Variants in SCARF1 observed in about 807,000 individuals in gnomAD.
SCARF1 encodes scavenger receptor class F member 1.
A neutral mutation model predicts 76.3 loss-of-function variants in SCARF1; 49 were observed. That is an observed-to-expected ratio of 0.64 (90% CI 0.51 to 0.81). The LOEUF is 0.81. Ranked by LOEUF, SCARF1 falls within the 40% of genes least tolerant of loss-of-function variation. The probability of loss-of-function intolerance (pLI) is 0.00; values close to 1 mark genes in which losing one functional copy is unlikely to be tolerated. For missense variants in SCARF1, 1,098 were observed against 1,143.9 expected (o/e 0.96, Z 0.58); for synonymous variants, 495 against 474.6 (o/e 1.04, Z -0.56).
chr17:1,636,596 A>T, intron 10 of SCARF1, 113 bp downstream of exon 10: 1 of 1,258,108 alleles, frequency 7.9e-7, no homozygotes, highest in South Asian at 1.5e-5. Context: ...CTGGCGACAG[A>T]GCAAGACCCA....
chr17:1,639,619 G>A lies in SCARF1; in HGVS notation c.1243+20C>T, dbSNP rs1909868938. On this transcript the variant is annotated intron_variant, in intron 7 of 10. Coordinates refer to ENST00000263071, the MANE Select transcript of SCARF1 (RefSeq NM_003693.4). ...CGCCTTTCCCTGGCTACTGCACCCC[G>A]CAGCCTTCTTCCACCTTACCTGGCT... is the stretch of plus-strand genomic sequence containing the variant. 22 of 1,537,672 alleles carry A rather than the reference G, an allele frequency of 1.4e-5. No individual in the cohort carries two copies. The highest frequency in any genetic ancestry group is 2.0e-5 in the Admixed American group (1 of 50,962).
Position 1,634,651 on chromosome 17 carries a change from G to A in SCARF1, c.*107C>T. 1 of 1,436,594 alleles carries A rather than the reference G, an allele frequency of 7.0e-7. No homozygotes were observed. Among genetic ancestry groups the A allele is most frequent in the Non-Finnish European group, 9.3e-7 (1 of 1,077,342 alleles). The allele number at this position is 1,436,594 out of a possible 1,614,324, so 89.0% of individuals were successfully genotyped here. A position where few individuals can be genotyped will look rare whatever the true frequency, so the allele number is the denominator to read the frequency against. On this transcript the variant is annotated 3_prime_UTR_variant, in exon 11 of 11. Transcript: ENST00000263071. Reference sequence around the variant, plus strand: ...GGCCTGGAAGCCTTGCCTTTTCCCTGTGGAGGCGCAGAGGCTCTGGTTTGT... The same window carrying A: ...GGCCTGGAAGCCTTGCCTTTTCCCTATGGAGGCGCAGAGGCTCTGGTTTGT...
intron 8 of SCARF1, among the ~76,000 whole-genome samples, chr17:1,637,771 G>C (rs1814985): frequency 0.71 from 107,814 of 151,986 alleles, 38,661 homozygotes; most frequent in East Asian, 0.95. Context: ...TGCGCCCGGC[G>C]CACCTGTCTC....
Position 1,644,135 on chromosome 17 carries a change from C to G in SCARF1, c.266-168G>C, listed in dbSNP as rs1235092312. The G allele has an allele frequency of 4.3e-6, 2 of 464,314 alleles. No homozygotes were observed. Among genetic ancestry groups the G allele is most frequent in the East Asian group, 3.6e-5 (1 of 28,086 alleles). The allele number at this position is 464,314 out of a possible 1,614,324, so 28.8% of individuals were successfully genotyped here. On this transcript the variant is annotated intron_variant, in intron 3 of 10. Coordinates refer to ENST00000263071, the MANE Select transcript of SCARF1 (RefSeq NM_003693.4). This position sits in a 1 kb window ranked among gnomAD's most constrained non-coding sequence, Gnocchi z 4.8. ...TCCTGGGCAACACTCACTTCCTGCT[C>G]CGCTCTGACCTACAGAAAACCCTTA...
Position 1,634,576 on chromosome 17 carries a change from C to G in SCARF1, c.*182G>C. 1.4e-6 allele frequency: 1 copy of G among 739,400 alleles called. No homozygotes were observed. Among genetic ancestry groups the G allele is most frequent in the Non-Finnish European group, 2.1e-6 (1 of 477,868 alleles). 45.8% of individuals were successfully genotyped at this position (739,400 alleles called of 1,614,324 possible). A position where few individuals can be genotyped will look rare whatever the true frequency, so the allele number is the denominator to read the frequency against. ...GACCCCATCCTACAGGGTCTCTGCC[C>G]AGGCCTTCCTGGGCCCCTCCGGGAG... On this transcript the variant is annotated 3_prime_UTR_variant, in exon 11 of 11. Transcript: ENST00000263071.
In SCARF1 at chr17:1,634,502, C is replaced by A. The variant is rs1909349466; in HGVS notation, c.*256G>T. On this transcript the variant is annotated 3_prime_UTR_variant, in exon 11 of 11. Transcript: ENST00000263071. ...AAGAAAGAATAGCCCTTATGAGGCA[C>A]ACAGGGTCCAGGACAGCAGAGCAAA... The A allele has an allele frequency of 2.5e-6, 1 of 406,412 alleles. No homozygotes were observed. The highest frequency in any genetic ancestry group is 1.1e-4 in the South Asian group (1 of 8,986). The allele number at this position is 406,412 out of a possible 1,614,324, so 25.2% of individuals were successfully genotyped here.
At position 1,634,533 on chromosome 17, in the gene SCARF1, C is replaced by T. The variant is rs967177265; in HGVS notation, c.*225G>A. 18 of 470,270 alleles carry T rather than the reference C, an allele frequency of 3.8e-5. No individual in the cohort carries two copies. Among genetic ancestry groups the T allele is most frequent in the Non-Finnish European group, 3.7e-6 (1 of 273,068 alleles). 29.1% of individuals were successfully genotyped at this position (470,270 alleles called of 1,614,324 possible). On this transcript the variant is annotated 3_prime_UTR_variant, in exon 11 of 11. Coordinates refer to ENST00000263071, the MANE Select transcript of SCARF1 (RefSeq NM_003693.4). ...GTCCAGGACAGCAGAGCAAAAGTCC[C>T]TGCAGGCAACCCTTCCTGACCCCAT... is the stretch of plus-strand genomic sequence containing the variant.
Position 1,644,742 on chromosome 17 carries a change from G to C in SCARF1, c.265+92C>G. Reference sequence around the variant, plus strand: ...GGGGGGATTCTGGCCCTGCTGTCCTGAGGCTGCATGGCTACCTGCCTCGCC... The same window carrying C: ...GGGGGGATTCTGGCCCTGCTGTCCTCAGGCTGCATGGCTACCTGCCTCGCC... On this transcript the variant is annotated intron_variant, in intron 3 of 10. Transcript: ENST00000263071. This position sits in a 1 kb window ranked among gnomAD's most constrained non-coding sequence, Gnocchi z 4.8. 1 of 1,239,232 alleles carries C rather than the reference G, an allele frequency of 8.1e-7. No individual in the cohort carries two copies. The highest frequency in any genetic ancestry group is 1.1e-6 in the Non-Finnish European group (1 of 873,224). 76.8% of individuals were successfully genotyped at this position (1,239,232 alleles called of 1,614,324 possible). A position where few individuals can be genotyped will look rare whatever the true frequency, so the allele number is the denominator to read the frequency against.
Position 1,644,573 on chromosome 17 carries a change from T to C in SCARF1, c.265+261A>G. On this transcript the variant is annotated intron_variant, in intron 3 of 10. Transcript: ENST00000263071. The surrounding 1 kb of genome is among the most constrained non-coding windows in gnomAD (Gnocchi z 4.8). The stretch of plus-strand genomic sequence containing the variant: ...ACACTCATTTTACAATGAAGGGGAA[T>C]CACAGGTTTTCTGAGAAGTGGAAGA... 1 of 588,494 alleles carries C rather than the reference T, an allele frequency of 1.7e-6. No homozygotes were observed. The highest frequency in any genetic ancestry group is 3.0e-6 in the Non-Finnish European group (1 of 329,644). The allele number at this position is 588,494 out of a possible 1,614,324, so 36.5% of individuals were successfully genotyped here.
Position 1,635,266 on chromosome 17 carries a change from C to G in SCARF1, c.1985G>C (p.Arg662Pro). 6.2e-7 allele frequency: 1 copy of G among 1,611,562 alleles called. No individual in the cohort carries two copies. Among genetic ancestry groups the G allele is most frequent in the Non-Finnish European group, 8.5e-7 (1 of 1,178,854 alleles). The change falls in exon 11 of 11, where the codon CGG becomes CCG. Residue 662 changes from arginine to proline, a missense_variant. Physicochemically the swap from Arg to Pro is moderately radical, Grantham distance 103 (BLOSUM62 -2). Transcript: ENST00000263071. ...SPGDSATGHR[R>P]PPLGGRTVAE... ...CACTGTCCGGCCACCAAGTGGGGGC[C>G]GCCGGTGGCCAGTGGCTGAATCCCC...
Position 1,644,850 on chromosome 17 carries a change from C to A in SCARF1, c.249G>T (p.Gly83=). ...GAGACTCACGGGAGCTGCAGTGGGC[C>A]CCAAAGAATCCAGGCTTGCATCGAC... is the stretch of plus-strand genomic sequence containing the variant. The part of the protein sequence containing the change: ...GLCRCKPGFF[G]AHCSSRCPGQ... Residue 83 remains glycine (G), a synonymous_variant, in exon 3 of 11, where the codon GGG becomes GGT. Transcript: ENST00000263071. This position sits in a 1 kb window ranked among gnomAD's most constrained non-coding sequence, Gnocchi z 4.8. 1 of 1,613,052 alleles carries A rather than the reference C, an allele frequency of 6.2e-7. No individual in the cohort carries two copies. Among genetic ancestry groups the A allele is most frequent in the Non-Finnish European group, 8.5e-7 (1 of 1,179,834 alleles).
Position 1,645,128 on chromosome 17 carries a change from GGGCTAC to G in SCARF1, c.163+44_163+49del. ...GGGGTAGGAAGGAAGGGTTGTCACT[GGGCTAC>G]GGCCTCCCTTCTCCTTGGCTGAGGG... On this transcript the variant is annotated intron_variant, in intron 2 of 10. Transcript: ENST00000263071. This position sits in a 1 kb window ranked among gnomAD's most constrained non-coding sequence, Gnocchi z 6.3. 1 of 1,609,412 alleles carries G rather than the reference GGGCTAC, an allele frequency of 6.2e-7. No individual in the cohort carries two copies. Among genetic ancestry groups the G allele is most frequent in the South Asian group, 1.1e-5 (1 of 90,792 alleles).
intron 7 of SCARF1, 93 bp downstream of exon 7, chr17:1,639,546 C>G (rs560030310): frequency 1.0e-4 from 84 of 820,710 alleles, no homozygotes; most frequent in Non-Finnish European, 1.5e-4. Flanking sequence ...CTGAAGTGGG[C>G]CCAGACTCCC....
Position 1,643,991 on chromosome 17 carries a change from G to A in SCARF1, c.266-24C>T, listed in dbSNP as rs966758211. On this transcript the variant is annotated intron_variant, in intron 3 of 10. Transcript: ENST00000263071. ...GCCTGCGGGGGTGGGGACGGGAGGG[G>A]TCAGCGGGCTCAGGGCCGCGCGCAG... 20 of 1,309,936 alleles carry A rather than the reference G, an allele frequency of 1.5e-5. No individual in the cohort carries two copies. The African/African-American group carries it at 2.2e-4, about 14-fold the overall frequency. 81.1% of individuals were successfully genotyped at this position (1,309,936 alleles called of 1,614,324 possible).
At position 1,644,137 on chromosome 17, in the gene SCARF1, G is replaced by C; in HGVS notation, c.266-170C>G. 2 of 463,214 alleles carry C rather than the reference G, an allele frequency of 4.3e-6. No individual in the cohort carries two copies. Among genetic ancestry groups the C allele is most frequent in the South Asian group, 9.5e-5 (1 of 10,508 alleles). The allele number at this position is 463,214 out of a possible 1,614,324, so 28.7% of individuals were successfully genotyped here. On this transcript the variant is annotated intron_variant, in intron 3 of 10. Coordinates refer to ENST00000263071, the MANE Select transcript of SCARF1 (RefSeq NM_003693.4). The surrounding 1 kb of genome is among the most constrained non-coding windows in gnomAD (Gnocchi z 4.8). ...CTGGGCAACACTCACTTCCTGCTCC[G>C]CTCTGACCTACAGAAAACCCTTAGC...
chr17:1,644,408 T>C lies in SCARF1; in HGVS notation c.265+426A>G. On this transcript the variant is annotated intron_variant, in intron 3 of 10. Coordinates refer to ENST00000263071, the MANE Select transcript of SCARF1 (RefSeq NM_003693.4). The surrounding 1 kb of genome is among the most constrained non-coding windows in gnomAD (Gnocchi z 4.8). ...TTTCCCCTAGTGATTCCTTGATTCC[T>C]GATGCCCACCCTCTGGCTCTCCTGC... is the stretch of plus-strand genomic sequence containing the variant. The C allele has an allele frequency of 3.7e-6, 1 of 273,696 alleles. No individual in the cohort carries two copies. Among genetic ancestry groups the C allele is most frequent in the Non-Finnish European group, 7.0e-6 (1 of 143,728 alleles). The allele number at this position is 273,696 out of a possible 1,614,324, so 17.0% of individuals were successfully genotyped here. A position where few individuals can be genotyped will look rare whatever the true frequency, so the allele number is the denominator to read the frequency against.
rs1404629219 is a variant in SCARF1, at chr17:1,635,347, G to A, written c.1904C>T (p.Ser635Phe). ...SGPEGREAEE[S>F]TGPEEAEAPE... ...GGCTTCTGCTTCCTCTGGGCCTGTG[G>A]ACTCTTCGGCTTCCCGGCCCTCAGG... The change falls in exon 11 of 11, where the codon TCC becomes TTC. Residue 635 changes from serine to phenylalanine, a missense_variant. By Grantham distance (155) the Ser-to-Phe change is radical (BLOSUM62 -2). Transcript: ENST00000263071. The A allele has an allele frequency of 1.9e-6, 3 of 1,613,172 alleles. No individual in the cohort carries two copies. Among genetic ancestry groups the A allele is most frequent in the East Asian group, 4.5e-5 (2 of 44,888 alleles).
At position 1,645,253 on chromosome 17, in the gene SCARF1, A is replaced by C; in HGVS notation, c.102-14T>G. The C allele has an allele frequency of 6.2e-7, 1 of 1,612,454 alleles. No individual in the cohort carries two copies. Among genetic ancestry groups the C allele is most frequent in the Non-Finnish European group, 8.5e-7 (1 of 1,179,844 alleles). ...TCAGCAGAGGGGCTGTGGGGCAAAA[A>C]GGGGTCAGCCGGACATGGTGGGGGG... is the stretch of plus-strand genomic sequence containing the variant. On this transcript the variant is annotated splice_polypyrimidine_tract_variant and intron_variant, in intron 1 of 10. Transcript: ENST00000263071. The surrounding 1 kb of genome is among the most constrained non-coding windows in gnomAD (Gnocchi z 6.3).
Position 1,634,940 on chromosome 17 carries a change from C to T in SCARF1, c.2311G>A (p.Val771Ile). The T allele has an allele frequency of 1.2e-6, 2 of 1,612,820 alleles. No individual in the cohort carries two copies. The highest frequency in any genetic ancestry group is 1.7e-6 in the Non-Finnish European group (2 of 1,179,220). ...CCCCGGACCGCTTCCTCTGGTCTGA[C>T]TGCCATAGGCCCTGTGGCCCCAGGA... ...GLPGATGPMA[V>I]RPEEAVRGLG... is the part of the protein sequence containing the mutation. Residue 771 changes from valine (V) to isoleucine (I), a missense_variant, in exon 11 of 11, where the codon GTC becomes ATC. By Grantham distance (29) the Val-to-Ile change is conservative (BLOSUM62 3). Coordinates refer to ENST00000263071, the MANE Select transcript of SCARF1 (RefSeq NM_003693.4).
Sources: gnomAD v4.1 joint callset for allele counts (sites outside exome capture counted in the v4.1 genomes callset) on GRCh38, gnomAD v4.1.1 for gene constraint, Gnocchi (gnomAD v3.1) non-coding constraint, MANE v1.5 for transcripts, NCBI Gene and HGNC (gene_info 2026-07-23, HGNC 2026-07-21) for gene names.